The following CORO1C variants were observed in gnomAD, a reference collection of about 807,000 sequenced individuals.
CORO1C encodes the protein coronin-1C.
In CORO1C, 14 loss-of-function variants were observed where a neutral mutation model predicts 51.2. The observed-to-expected ratio is 0.27, with a 90% CI of 0.18 to 0.43. The LOEUF (loss-of-function observed/expected upper bound fraction) is 0.43. Among genes scored for constraint, CORO1C ranks in the 20% least tolerant of loss-of-function variants. CORO1C has a pLI of 1.00. For synonymous variants in CORO1C, 181 were observed against 210.5 expected (o/e 0.86, Z 1.21); for missense variants, 417 against 607.8 (o/e 0.69, Z 3.30).
At chr12:108,652,920 C>A in intron 7 of CORO1C, 1 of 148,258 alleles carries the variant, frequency 6.7e-6, no homozygotes, top group Non-Finnish European at 1.5e-5. Context: ...TCAGAAAGTG[C>A]CATCTCATGG....
chr12:108,717,318 C>T (rs1391494453), intron 1 of CORO1C, among the ~76,000 whole-genome samples: 1 of 152,196 alleles, frequency 6.6e-6, no homozygotes, highest in East Asian at 1.9e-4. Flanking sequence ...GTCAGCAGAA[C>T]CCGGATCACA....
intron 2 of CORO1C, among the ~76,000 whole-genome samples, chr12:108,694,127 T>C (rs2034589529): frequency 6.6e-6 from 1 of 151,576 alleles, no homozygotes; most frequent in Non-Finnish European, 1.5e-5. Context: ...ACTAAAAATA[T>C]AAAAATTAGC....
chr12:108,698,422 T>C (rs543897043), intron 2 of CORO1C, among the ~76,000 whole-genome samples: 7 of 152,370 alleles, frequency 4.6e-5, no homozygotes, highest in African/African-American at 1.7e-4. Context: ...TTTTTTTTCT[T>C]TTTGAGACGG....
At chr12:108,681,376 A>G (rs887849397) in intron 2 of CORO1C, among the ~76,000 whole-genome samples, 1 of 152,258 alleles carries the variant, frequency 6.6e-6, no homozygotes, top group Non-Finnish European at 1.5e-5. Context: ...CTCCGGCAGT[A>G]TAAGTGAAAA....
At chr12:108,656,032 AC>A (rs1219417734) in intron 6 of CORO1C, among the ~76,000 whole-genome samples, 1 of 139,744 alleles carries the variant, frequency 7.2e-6, no homozygotes, top group Non-Finnish European at 1.5e-5. Context: ...CCCGGCCGGG[AC>A]CCCGTCTGGG....
intron 6 of CORO1C, 77 bp from the exon 7 acceptor site, chr12:108,654,487 T>C: frequency 2.6e-6 from 2 of 756,354 alleles, no homozygotes; most frequent in East Asian, 5.6e-5. Flanking sequence ...AACCTTATTA[T>C]ATATTCTTCT....
At chr12:108,693,176 AT>A (rs2136854730) in intron 2 of CORO1C, among the ~76,000 whole-genome samples, 1 of 152,306 alleles carries the variant, frequency 6.6e-6, no homozygotes, top group South Asian at 2.1e-4. Flanking sequence ...AAAAATATAC[AT>A]GTACAAATCA....
At chr12:108,698,053 A>G (rs2034745878) in intron 2 of CORO1C, among the ~76,000 whole-genome samples, 1 of 152,196 alleles carries the variant, frequency 6.6e-6, no homozygotes, top group African/African-American at 2.4e-5. Flanking sequence ...AGGTAGGAAC[A>G]GCAACTTAGA....
At chr12:108,717,953 C>G (rs2035379893) in intron 1 of CORO1C, among the ~76,000 whole-genome samples, 1 of 152,178 alleles carries the variant, frequency 6.6e-6, no homozygotes, top group African/African-American at 2.4e-5. Context: ...CACAATGGCT[C>G]ACACCTGTAA....
intron 1 of CORO1C, among the ~76,000 whole-genome samples, chr12:108,712,570 CAAAAAAAA>C (rs138128974): frequency 1.5e-5 from 1 of 66,536 alleles, no homozygotes; most frequent in East Asian, 4.6e-4. Context: ...GAAACTGTCT[CAAAAAAAA>C]AAAAAAAAAA....
rs576169738 is a variant in CORO1C, at chr12:108,709,588, T to G, written c.-5-8265A>C. Among the ~76,000 whole-genome samples the G allele has an allele frequency of 3.3e-5, 5 of 152,308 alleles. No individual in the cohort carries two copies. In the South Asian group the frequency reaches 1.0e-3, roughly 32 times the overall value. The stretch of plus-strand genomic sequence containing the variant: ...AACTGTTCAGTTTTAACCTTTAAAT[T>G]AAGATGGCATATCACCAAACTTAGG... On this transcript the variant is annotated intron_variant, in intron 1 of 10. Transcript: ENST00000261401.
chr12:108,709,030 T>C (rs1331540969), intron 1 of CORO1C, among the ~76,000 whole-genome samples: 2 of 152,168 alleles, frequency 1.3e-5, no homozygotes, highest in African/African-American at 4.8e-5. Context: ...GCTTGGATTA[T>C]AGGCATTAGC....
chr12:108,663,296 GT>G (rs2033346619), intron 3 of CORO1C, among the ~76,000 whole-genome samples: 1 of 152,202 alleles, frequency 6.6e-6, no homozygotes, highest in Non-Finnish European at 1.5e-5. Context: ...ATTAAACAGA[GT>G]TATCATATGA....
chr12:108,656,850 GCATGCTCGTTAAGAGTCAT>G (rs955168501), intron 6 of CORO1C, among the ~76,000 whole-genome samples: 10 of 152,290 alleles, frequency 6.6e-5, no homozygotes, highest in African/African-American at 2.4e-4. Context: ...CTTGAAGGCA[GCATGCTCGTTAAGAGTCAT>G]CACCGCTCCC....
At chr12:108,680,592 G>A (rs796311912) in intron 2 of CORO1C, among the ~76,000 whole-genome samples, 8 of 152,214 alleles carry the variant, frequency 5.3e-5, no homozygotes, top group African/African-American at 1.9e-4. Context: ...CTCAACCTCG[G>A]TTCCTCATCT....
intron 2 of CORO1C, among the ~76,000 whole-genome samples, chr12:108,687,364 G>A (rs1010066679): frequency 3.3e-5 from 5 of 152,156 alleles, no homozygotes; most frequent in Admixed American, 1.3e-4. Context: ...GTGCGCACCT[G>A]TAGTCCCAGC....
intron 2 of CORO1C, among the ~76,000 whole-genome samples, chr12:108,687,702 T>G (rs779512526): frequency 4.7e-5 from 7 of 148,888 alleles, no homozygotes; most frequent in Non-Finnish European, 8.9e-5. Context: ...CGAGAATCGC[T>G]TGAACCTGGG....
intron 1 of CORO1C, among the ~76,000 whole-genome samples, chr12:108,710,633 C>T (rs902800651): frequency 2.0e-5 from 3 of 151,276 alleles, no homozygotes; most frequent in East Asian, 1.9e-4. Flanking sequence ...GGCACAATCT[C>T]GGCTCACTGC....
intron 3 of CORO1C, among the ~76,000 whole-genome samples, chr12:108,675,074 A>T (rs1259542307): frequency 6.6e-6 from 1 of 152,142 alleles, no homozygotes; most frequent in African/African-American, 2.4e-5. Context: ...ATCCAGCCCA[A>T]CCTTCAGCAA....
Sources: gnomAD v4.1 joint callset for allele counts (sites outside exome capture counted in the v4.1 genomes callset) on GRCh38, gnomAD v4.1.1 for gene constraint, MANE v1.5 for transcripts, NCBI Gene and HGNC (gene_info 2026-07-23, HGNC 2026-07-21) for gene names.